Variants in TLN2 observed in about 807,000 individuals in gnomAD.
The protein encoded by TLN2 is talin-2.
In TLN2, 118 loss-of-function variants were observed where a neutral mutation model predicts 294.7. The observed-to-expected ratio is 0.40, with a 90% confidence interval of 0.34 to 0.47. TLN2 has a LOEUF of 0.47. Ranked by LOEUF, TLN2 falls within the 20% of genes least tolerant of loss-of-function variation. The probability of loss-of-function intolerance (pLI) is 0.84; values close to 1 mark genes in which losing one functional copy is unlikely to be tolerated. For missense variants in TLN2, 3,083 were observed against 3,282.2 expected (o/e 0.94, Z 1.48); for synonymous variants, 1,431 against 1,304.5 (o/e 1.10, Z -2.09).
At position 62,427,055 on chromosome 15, in the gene TLN2, G is replaced by A. The variant is rs16945008; in HGVS notation, c.-238+36370G>A. Reference sequence around the variant, plus strand: ...GCTCAGTGATTCTTCAGGAAGCAGGGCCAGCAGAGTGTTTTGAGTGATTGG... The same window carrying A: ...GCTCAGTGATTCTTCAGGAAGCAGGACCAGCAGAGTGTTTTGAGTGATTGG... On this transcript the variant is annotated intron_variant, in intron 1 of 58. Coordinates refer to ENST00000636159, the MANE Select transcript of TLN2 (RefSeq NM_015059.3). Among the ~76,000 whole-genome samples the A allele has an allele frequency of 8.0e-3, 1,218 of 152,292 alleles. 7 individuals are homozygous for A. Among genetic ancestry groups the A allele is most frequent in the African/African-American group, 0.028 (1,166 of 41,556 alleles).
intron 1 of TLN2, among the ~76,000 whole-genome samples, chr15:62,537,277 A>G (rs573750872): frequency 7.4e-4 from 113 of 152,060 alleles, no homozygotes; most frequent in African/African-American, 2.6e-3. Context: ...TGCCTCCCAA[A>G]GTGCTGGGAT....
intron 1 of TLN2, among the ~76,000 whole-genome samples, chr15:62,430,567 G>C (rs1046567328): frequency 2.2e-4 from 33 of 152,316 alleles, no homozygotes; most frequent in Middle Eastern, 3.4e-3. Context: ...CATTTTTGGG[G>C]ATGGTGACTT....
chr15:62,596,211 G>A (rs1259781506), intron 2 of TLN2, among the ~76,000 whole-genome samples: 2 of 146,018 alleles, frequency 1.4e-5, no homozygotes, highest in Non-Finnish European at 3.0e-5. Context: ...CTTGCAGTGA[G>A]CCGAGATTGC....
At chr15:62,596,503 CAAAGT>C (rs1373105062) in intron 2 of TLN2, among the ~76,000 whole-genome samples, 1 of 151,950 alleles carries the variant, frequency 6.6e-6, no homozygotes, top group African/African-American at 2.4e-5. Context: ...TTTGGGAGGC[CAAAGT>C]GAGTGGATCA....
chr15:62,583,264 A>C (rs775900679), intron 1 of TLN2, among the ~76,000 whole-genome samples: 4 of 152,144 alleles, frequency 2.6e-5, no homozygotes, highest in Non-Finnish European at 5.9e-5. Flanking sequence ...ATTTTTGTAG[A>C]GTTGCCTTTT....
chr15:62,800,236 G>T, intron 48 of TLN2, 132 bp from the exon 49 acceptor site: 4 of 1,422,958 alleles, frequency 2.8e-6, no homozygotes, highest in Non-Finnish European at 3.8e-6. Context: ...CAGGAGGTCT[G>T]CCATGCTGCA....
intron 1 of TLN2, among the ~76,000 whole-genome samples, chr15:62,551,306 T>C (rs889143351): frequency 1.2e-4 from 18 of 152,098 alleles, no homozygotes; most frequent in Admixed American, 4.6e-4. Flanking sequence ...GGCCTGGGGA[T>C]TGGGGACCCC....
intron 1 of TLN2, among the ~76,000 whole-genome samples, chr15:62,449,906 T>A (rs534448620): frequency 1.3e-5 from 2 of 152,330 alleles, no homozygotes; most frequent in East Asian, 3.9e-4. Context: ...TGTCTTTATT[T>A]TCTGAAATCA....
At chr15:62,815,177 T>TCACACACA (rs3055852) in intron 52 of TLN2, among the ~76,000 whole-genome samples, 80 of 140,676 alleles carry the variant, frequency 5.7e-4, no homozygotes, top group African/African-American at 1.4e-3. Context: ...ATTCTGTCTG[T>TCACACACA]CACACACACA....
At chr15:62,587,788 C>T (rs1159455054) in intron 1 of TLN2, among the ~76,000 whole-genome samples, 3 of 152,120 alleles carry the variant, frequency 2.0e-5, no homozygotes, top group East Asian at 1.9e-4. Flanking sequence ...ATTTATATTC[C>T]GTTCATGAAA....
intron 1 of TLN2, among the ~76,000 whole-genome samples, chr15:62,452,267 G>C (rs935500780): frequency 1.3e-5 from 2 of 152,088 alleles, no homozygotes; most frequent in Non-Finnish European, 2.9e-5. Flanking sequence ...TCCTCCCTCC[G>C]CCCTGGCTTT....
rs578208334 is a variant in TLN2, at chr15:62,585,375, G to A, written c.-237-4312G>A. ...CCAGACACCATGCTAAAAACTTCACGTATGCTCTCTCATTTCATCCTCACA... is the reference window on the plus strand; with the variant it reads ...CCAGACACCATGCTAAAAACTTCACATATGCTCTCTCATTTCATCCTCACA... On this transcript the variant is annotated intron_variant, in intron 1 of 58. Transcript: ENST00000636159. Among the ~76,000 whole-genome samples the A allele has an allele frequency of 2.6e-5, 4 of 152,178 alleles. No homozygotes were observed. The East Asian group carries it at 5.8e-4, about 22-fold the overall frequency.
At chr15:62,648,030 CTTTCT>C (rs2052103755) in intron 4 of TLN2, among the ~76,000 whole-genome samples, 1 of 152,104 alleles carries the variant, frequency 6.6e-6, no homozygotes, top group Non-Finnish European at 1.5e-5. Context: ...CTCAATTTGT[CTTTCT>C]TTTATTTAGT....
At chr15:62,397,978 A>G (rs1168459684) in intron 1 of TLN2, among the ~76,000 whole-genome samples, 1 of 152,108 alleles carries the variant, frequency 6.6e-6, no homozygotes, top group Non-Finnish European at 1.5e-5. Flanking sequence ...AGTTCTATGG[A>G]GAACCACTGG....
At chr15:62,760,206 G>A (rs543883565) in intron 37 of TLN2, among the ~76,000 whole-genome samples, 1 of 152,192 alleles carries the variant, frequency 6.6e-6, no homozygotes, top group Non-Finnish European at 1.5e-5. Flanking sequence ...GGCAAGCCAG[G>A]TACTATATTA....
At chr15:62,797,880 C>A (rs759130861) in intron 48 of TLN2, among the ~76,000 whole-genome samples, 1 of 152,102 alleles carries the variant, frequency 6.6e-6, no homozygotes. Flanking sequence ...ATAGAGGTAG[C>A]GACTGCAACC....
At chr15:62,484,704 C>T (rs1396473197) in intron 1 of TLN2, among the ~76,000 whole-genome samples, 25 of 152,118 alleles carry the variant, frequency 1.6e-4, no homozygotes, top group African/African-American at 5.6e-4. Flanking sequence ...GGATTACAGG[C>T]GTGAGCCACC....
chr15:62,556,416 C>T (rs1018621535), intron 1 of TLN2, among the ~76,000 whole-genome samples: 2 of 151,948 alleles, frequency 1.3e-5, no homozygotes, highest in Admixed American at 6.6e-5. Context: ...GGGTGATCCT[C>T]GCACCTCAGC....
chr15:62,629,324 G>T (rs1053851123), intron 3 of TLN2, among the ~76,000 whole-genome samples: 1 of 152,244 alleles, frequency 6.6e-6, no homozygotes, highest in African/African-American at 2.4e-5. Flanking sequence ...GGCACATAAT[G>T]TGTGATCAGT....
Sources: gnomAD v4.1 joint callset for allele counts (sites outside exome capture counted in the v4.1 genomes callset) on GRCh38, gnomAD v4.1.1 for gene constraint, MANE v1.5 for transcripts, NCBI Gene and HGNC (gene_info 2026-07-23, HGNC 2026-07-21) for gene names.